The following CHRM3 variants were observed in gnomAD, a reference collection of about 807,000 sequenced individuals.
CHRM3 encodes cholinergic receptor muscarinic 3.
In CHRM3, 11 loss-of-function variants were observed where a neutral mutation model predicts 41.8. The observed-to-expected ratio is 0.26, with a 90% CI of 0.17 to 0.44. The LOEUF is 0.44. CHRM3 is among the 20% of genes least tolerant of loss of function. CHRM3 has a pLI of 1.00. For synonymous variants in CHRM3, 297 were observed against 301.4 expected (o/e 0.99, Z 0.15); for missense variants, 571 against 745.4 (o/e 0.77, Z 2.72).
chr1:239,700,394 G>A lies in CHRM3; in HGVS notation c.-147+22106G>A, dbSNP rs558740542. Reference sequence around the variant, plus strand: ...ATTTCACAAGTCAGTCTAATTTACAGATATTCATCTTTGACCATTGGAAAA... The same window carrying A: ...ATTTCACAAGTCAGTCTAATTTACAAATATTCATCTTTGACCATTGGAAAA... On this transcript the variant is annotated intron_variant, in intron 5 of 6. Transcript: ENST00000676153. Among the ~76,000 whole-genome samples the A allele has an allele frequency of 6.6e-5, 10 of 152,254 alleles. No individual in the cohort carries two copies. The South Asian group carries it at 2.1e-3, about 32-fold the overall frequency.
At chr1:239,393,279 T>C (rs1659198824) in intron 1 of CHRM3, among the ~76,000 whole-genome samples, 1 of 152,216 alleles carries the variant, frequency 6.6e-6, no homozygotes, top group Non-Finnish European at 1.5e-5. Context: ...TGTATATCCA[T>C]AGTCATTTAA....
At chr1:239,899,010 C>A (rs1161878101) in intron 6 of CHRM3, among the ~76,000 whole-genome samples, 1 of 151,886 alleles carries the variant, frequency 6.6e-6, no homozygotes, top group African/African-American at 2.4e-5. Flanking sequence ...TTTGTTTCAC[C>A]CTCTTCTTTT....
In CHRM3 at chr1:239,404,446, GAA is replaced by G. The variant is rs1558196039; in HGVS notation, c.-521+17221_-521+17222del. ...AGAAAGAAAGAAAGAAAGAAAGAAAGAAAGAAAGAAAGAAAGAAAGAAAAAGA... is the reference window on the plus strand; with the variant it reads ...AGAAAGAAAGAAAGAAAGAAAGAAAGAGAAAGAAAGAAAGAAAGAAAAAGA... On this transcript the variant is annotated intron_variant, in intron 1 of 6. Coordinates refer to ENST00000676153, the MANE Select transcript of CHRM3 (RefSeq NM_001375978.1). Among the ~76,000 whole-genome samples the G allele has an allele frequency of 1.5e-4, 21 of 136,162 alleles. 2 individuals carry two copies. Among genetic ancestry groups the G allele is most frequent in the South Asian group, 9.6e-4 (4 of 4,158 alleles). The allele number at this position is 136,162 out of a possible 152,430, so 89.3% of individuals were successfully genotyped here.
rs557668868 is a variant in CHRM3 at position 239,554,365 on chromosome 1, A to G, written c.-313+8616A>G. Among the ~76,000 whole-genome samples the G allele has an allele frequency of 2.0e-5, 3 of 152,218 alleles. No homozygotes were observed. The South Asian group carries it at 6.2e-4, about 32-fold the overall frequency. ...ATAGCAGGCCCTGGGACTACAAACT[A>G]TAGACAAAGTGCCTGTCCTTACAGA... On this transcript the variant is annotated intron_variant, in intron 3 of 6. Coordinates refer to ENST00000676153, the MANE Select transcript of CHRM3 (RefSeq NM_001375978.1).
chr1:239,558,778 T>G (rs1401114766), intron 3 of CHRM3, among the ~76,000 whole-genome samples: 1 of 152,226 alleles, frequency 6.6e-6, no homozygotes, highest in East Asian at 1.9e-4. Flanking sequence ...TTTTGCCTTA[T>G]GTAAGAATTA....
intron 2 of CHRM3, among the ~76,000 whole-genome samples, chr1:239,496,084 TA>T (rs1667859176): frequency 6.6e-6 from 1 of 152,128 alleles, no homozygotes; most frequent in Non-Finnish European, 1.5e-5. Flanking sequence ...TTGGTTTATC[TA>T]AAATAATACT....
intron 3 of CHRM3, chr1:239,628,949 CT>C (rs1424465315): frequency 1.6e-5 from 1 of 63,858 alleles, no homozygotes; most frequent in Non-Finnish European, 3.1e-5. Flanking sequence ...TTACTGCTGT[CT>C]TTTTGTTTGT....
At chr1:239,552,208 C>A (rs958890628) in intron 3 of CHRM3, among the ~76,000 whole-genome samples, 1 of 144,074 alleles carries the variant, frequency 6.9e-6, no homozygotes. Context: ...TGATATGTAT[C>A]GTATATTATA....
intron 6 of CHRM3, among the ~76,000 whole-genome samples, chr1:239,900,688 G>A (rs1679474475): frequency 6.6e-6 from 1 of 152,144 alleles, no homozygotes; most frequent in Non-Finnish European, 1.5e-5. Context: ...CTCAGAAGAG[G>A]TATGGCAGGT....
chr1:239,407,405 A>AATATATATATATATATATATAT (rs143680510), intron 1 of CHRM3, among the ~76,000 whole-genome samples: 8 of 137,012 alleles, frequency 5.8e-5, no homozygotes, highest in Non-Finnish European at 8.2e-5. Context: ...AATGACTATA[A>AATATATATATATATATATATAT]ATATATATAT....
rs12565304 is a variant in CHRM3 at position 239,758,131 on chromosome 1, A to T, written c.-146-69121A>T. On this transcript the variant is annotated intron_variant, in intron 5 of 6. Coordinates refer to ENST00000676153, the MANE Select transcript of CHRM3 (RefSeq NM_001375978.1). ...TTAGCATGGATACCTAAAACTGCCCATTGAGGCTGAGGGTAGGGAAAAGCT... is the reference window on the plus strand; with the variant it reads ...TTAGCATGGATACCTAAAACTGCCCTTTGAGGCTGAGGGTAGGGAAAAGCT... Among the ~76,000 whole-genome samples, 701 of 152,310 alleles carry T rather than the reference A, an allele frequency of 4.6e-3. 26 individuals are homozygous for T. In the East Asian group the frequency reaches 0.098, roughly 21 times the overall value.
intron 6 of CHRM3, among the ~76,000 whole-genome samples, chr1:239,865,957 C>A (rs990677920): frequency 2.6e-5 from 4 of 152,078 alleles, no homozygotes; most frequent in Non-Finnish European, 5.9e-5. Flanking sequence ...ACTTGCCTCC[C>A]ACAAGGGTCT....
intron 5 of CHRM3, among the ~76,000 whole-genome samples, chr1:239,786,064 T>C (rs1470219944): frequency 6.6e-6 from 1 of 152,226 alleles, no homozygotes; most frequent in Non-Finnish European, 1.5e-5. Flanking sequence ...TTGAGTATAG[T>C]ATACTTTGAA....
intron 4 of CHRM3, among the ~76,000 whole-genome samples, chr1:239,662,934 C>CTTCTTCT (rs374408417): frequency 2.1e-4 from 4 of 19,112 alleles, no homozygotes; most frequent in Non-Finnish European, 3.6e-4. Context: ...TCTTCTTCTC[C>CTTCTTCT]TCTTCTTCTT....
chr1:239,859,904 C>T (rs981832216), intron 6 of CHRM3, among the ~76,000 whole-genome samples: 2 of 147,182 alleles, frequency 1.4e-5, no homozygotes, highest in Non-Finnish European at 3.0e-5. Flanking sequence ...GCATGTGGAC[C>T]AGTACTTTGC....
At chr1:239,772,236 T>C (rs771891988) in intron 5 of CHRM3, among the ~76,000 whole-genome samples, 40 of 152,110 alleles carry the variant, frequency 2.6e-4, no homozygotes, top group Non-Finnish European at 5.9e-4. Flanking sequence ...TTGTAACCTC[T>C]GCCTCCCGGG....
intron 2 of CHRM3, among the ~76,000 whole-genome samples, chr1:239,513,364 T>C (rs1031465852): frequency 5.9e-5 from 9 of 152,316 alleles, no homozygotes; most frequent in Middle Eastern, 6.8e-3. Context: ...TGTTTTAACT[T>C]GGAATTTCTT....
intron 3 of CHRM3, among the ~76,000 whole-genome samples, chr1:239,616,236 T>C (rs547247190): frequency 1.3e-5 from 2 of 152,344 alleles, no homozygotes; most frequent in Admixed American, 1.3e-4. Context: ...TTAATATATG[T>C]CTTTTTAAAG....
At chr1:239,476,647 G>T (rs1393009561) in intron 1 of CHRM3, among the ~76,000 whole-genome samples, 1 of 152,072 alleles carries the variant, frequency 6.6e-6, no homozygotes, top group Non-Finnish European at 1.5e-5. Context: ...GGATATAATT[G>T]TGAATAAAAA....
Sources: allele counts gnomAD v4.1 joint callset (sites outside exome capture counted in the v4.1 genomes callset), GRCh38; gene constraint gnomAD v4.1.1; transcripts MANE v1.5; gene names NCBI Gene and HGNC (gene_info 2026-07-23, HGNC 2026-07-21).